Variants in ARID1B observed in about 807,000 individuals in gnomAD.
ARID1B encodes AT-rich interaction domain 1B.
Under a neutral mutation model 212.3 loss-of-function variants are expected in ARID1B, and 30 were observed. The ratio of observed to expected loss-of-function variants is 0.14; its 90% CI spans 0.11 to 0.19. The LOEUF (loss-of-function observed/expected upper bound fraction) is 0.19, where lower values mean the gene tolerates loss of function less well. Among genes scored for constraint, ARID1B ranks in the 10% least tolerant of loss-of-function variants. The pLI is 1.00. For missense variants in ARID1B, 2,891 were observed against 3,204.0 expected, an observed-to-expected ratio of 0.90 and a Z score of 2.36; for synonymous variants, 1,402 against 1,301.7, an observed-to-expected ratio of 1.08 and a Z score of -1.66.
chr6:156,869,048 T>G (rs1272115056), intron 2 of ARID1B, among the ~76,000 whole-genome samples: 3 of 151,632 alleles, frequency 2.0e-5, no homozygotes, highest in Non-Finnish European at 4.4e-5. Flanking sequence ...AATGAATTTG[T>G]TTTTTTTGCC....
chr6:156,802,945 A>G (rs1344054981), intron 1 of ARID1B, among the ~76,000 whole-genome samples: 1 of 151,890 alleles, frequency 6.6e-6, no homozygotes. Context: ...ATGAAAAACA[A>G]TTAAAGCGTG....
In ARID1B at chr6:156,779,622, C is replaced by G. The variant is rs1779058183; in HGVS notation, c.1791+151C>G. 7.4e-6 allele frequency: 6 copies of G among 814,718 alleles called. No homozygotes were observed. The South Asian group carries it at 3.5e-4, about 48-fold the overall frequency. The allele number at this position is 814,718 out of a possible 1,614,324, so 50.5% of individuals were successfully genotyped here. ...AAGCCATCTTGACGGGCGGCCGCCT[C>G]CCGCCGCGGTCGGGGCGCCCCGGGG... is the stretch of plus-strand genomic sequence containing the variant. On this transcript the variant is annotated intron_variant, in intron 1 of 19. Transcript: ENST00000636930.
intron 4 of ARID1B, among the ~76,000 whole-genome samples, chr6:156,967,244 A>G (rs890944580): frequency 6.6e-6 from 1 of 152,246 alleles, no homozygotes; most frequent in African/African-American, 2.4e-5. Flanking sequence ...GTTGCTGAAT[A>G]CAAGTTAGTT....
intron 1 of ARID1B, among the ~76,000 whole-genome samples, chr6:156,780,858 A>G (rs1022438220): frequency 3.9e-5 from 6 of 152,258 alleles, no homozygotes; most frequent in Middle Eastern, 3.2e-3. Flanking sequence ...GGATAAGGCC[A>G]TTGAAAAATA....
At chr6:157,082,307 A>G (rs1277064772) in intron 4 of ARID1B, among the ~76,000 whole-genome samples, 1 of 152,134 alleles carries the variant, frequency 6.6e-6, no homozygotes, top group Admixed American at 6.5e-5. Flanking sequence ...GGGGTCAGCA[A>G]GCTTTTTCCG....
Position 156,779,176 on chromosome 6 carries a change from C to G in ARID1B, c.1496C>G (p.Thr499Ser). Residue 499 changes from threonine (T) to serine (S), a missense_variant, in exon 1 of 20, where the codon ACC becomes AGC. Thr to Ser is a moderately conservative substitution (Grantham distance 58). Coordinates refer to ENST00000636930, the MANE Select transcript of ARID1B (RefSeq NM_001374828.1). The stretch of plus-strand genomic sequence containing the variant: ...CAGAACCAGCACCCGTCGGGGGCCA[C>G]CCCGACCCTCAATCAGCTGCTCACC... The part of the protein sequence containing the change: ...AGQNQHPSGA[T>S]PTLNQLLTSP... 1 of 1,341,146 alleles carries G rather than the reference C, an allele frequency of 7.5e-7. No individual in the cohort carries two copies. Among genetic ancestry groups the G allele is most frequent in the African/African-American group, 1.5e-5 (1 of 65,492 alleles). 83.1% of individuals were successfully genotyped at this position (1,341,146 alleles called of 1,614,324 possible). A position where few individuals can be genotyped will look rare whatever the true frequency, so the allele number is the denominator to read the frequency against.
chr6:156,858,637 C>T (rs1252282489), intron 2 of ARID1B, among the ~76,000 whole-genome samples: 3 of 151,972 alleles, frequency 2.0e-5, no homozygotes, highest in Admixed American at 6.6e-5. Context: ...GGTGTGGTGG[C>T]GTGTGCCTGT....
chr6:156,869,352 A>G (rs1785944584), intron 2 of ARID1B, among the ~76,000 whole-genome samples: 1 of 152,172 alleles, frequency 6.6e-6, no homozygotes, highest in Non-Finnish European at 1.5e-5. Context: ...ATCTGGCCAT[A>G]AAAGCGAATA....
intron 4 of ARID1B, among the ~76,000 whole-genome samples, chr6:156,952,897 G>A (rs1325980320): frequency 6.6e-6 from 1 of 152,200 alleles, no homozygotes. Context: ...AATCCTTGGA[G>A]TCTGGCAATT....
At chr6:157,105,110 A>G (rs1441913712) in intron 5 of ARID1B, among the ~76,000 whole-genome samples, 1 of 152,168 alleles carries the variant, frequency 6.6e-6, no homozygotes, top group Non-Finnish European at 1.5e-5. Context: ...ATTTTTAAAT[A>G]AATTGTGTTG....
chr6:156,837,717 AG>A (rs1783610674), intron 2 of ARID1B, among the ~76,000 whole-genome samples: 1 of 152,190 alleles, frequency 6.6e-6, no homozygotes, highest in South Asian at 2.1e-4. Context: ...TTAAGCTGAG[AG>A]GGTGCAGAGG....
At chr6:156,827,727 G>A (rs910185790) in intron 1 of ARID1B, among the ~76,000 whole-genome samples, 4 of 144,826 alleles carry the variant, frequency 2.8e-5, no homozygotes, top group African/African-American at 7.6e-5. Flanking sequence ...CACCTTGGAC[G>A]TGTTATTCCC....
At chr6:156,789,023 A>G (rs1446628821) in intron 1 of ARID1B, among the ~76,000 whole-genome samples, 27 of 152,240 alleles carry the variant, frequency 1.8e-4, no homozygotes, top group Admixed American at 1.8e-3. Context: ...ATGCAAAAAG[A>G]CTATATTCCT....
intron 2 of ARID1B, among the ~76,000 whole-genome samples, chr6:156,855,213 GAAT>G (rs1784832691): frequency 6.6e-6 from 1 of 152,206 alleles, no homozygotes; most frequent in Non-Finnish European, 1.5e-5. Flanking sequence ...TTATTCTTAA[GAAT>G]TAGTAATAGA....
At chr6:157,024,590 C>T (rs1217698288) in intron 4 of ARID1B, 1 of 152,252 alleles carries the variant, frequency 6.6e-6, no homozygotes, top group Non-Finnish European at 1.5e-5. Flanking sequence ...GGCAAAACCC[C>T]ATCTCTACTT....
At chr6:157,054,286 C>T (rs1187126838) in intron 4 of ARID1B, among the ~76,000 whole-genome samples, 1 of 151,992 alleles carries the variant, frequency 6.6e-6, no homozygotes, top group Non-Finnish European at 1.5e-5. Context: ...GGTTTTTCCC[C>T]TTGGAAATGC....
chr6:157,057,626 T>C (rs1022351239), intron 4 of ARID1B, among the ~76,000 whole-genome samples: 2 of 152,166 alleles, frequency 1.3e-5, no homozygotes, highest in Non-Finnish European at 2.9e-5. Flanking sequence ...ACTGATTCCT[T>C]TCAGAATTAC....
chr6:157,173,901 A>G, intron 9 of ARID1B, 107 bp from the exon 10 acceptor site: 1 of 886,038 alleles, frequency 1.1e-6, no homozygotes, highest in Non-Finnish European at 1.7e-6. Context: ...TCTTCCTTCA[A>G]GGGAAATGCA....
intron 2 of ARID1B, among the ~76,000 whole-genome samples, chr6:156,892,043 CTTTTTTTTTTTTTTTTCT>C (rs1562463901): frequency 8.7e-6 from 1 of 115,166 alleles, no homozygotes; most frequent in Non-Finnish European, 1.8e-5. Context: ...AGCGAATTTT[CTTTTTTTTTTTTTTTTCT>C]TTTTTTTTTT....
Sources: gnomAD v4.1 joint callset for allele counts (sites outside exome capture counted in the v4.1 genomes callset) on GRCh38, gnomAD v4.1.1 for gene constraint, MANE v1.5 for transcripts, NCBI Gene and HGNC (gene_info 2026-07-23, HGNC 2026-07-21) for gene names.